BPNT2: variants seen among roughly 807,000 people sequenced by gnomAD.
BPNT2 encodes the protein 3'(2'), 5'-bisphosphate nucleotidase 2.
In BPNT2, 11 loss-of-function variants were observed where a neutral mutation model predicts 29.3. The observed-to-expected ratio is 0.38, with a 90% confidence interval of 0.24 to 0.62. The LOEUF (loss-of-function observed/expected upper bound fraction) is 0.62, where lower values mean the gene tolerates loss of function less well. Ranked by LOEUF, BPNT2 falls within the 20% of genes least tolerant of loss-of-function variation. BPNT2 has a pLI of 0.62. For synonymous variants in BPNT2, 195 were observed against 187.7 expected, an observed-to-expected ratio of 1.04 and a Z score of -0.32; for missense variants, 459 against 473.4, an observed-to-expected ratio of 0.97 and a Z score of 0.28.
chr8:56,965,476 G>T (rs917082597), intron 4 of BPNT2, among the ~76,000 whole-genome samples: 1 of 152,140 alleles, frequency 6.6e-6, no homozygotes, highest in Non-Finnish European at 1.5e-5. Flanking sequence ...ACTCATAACA[G>T]GAGTTGACAA....
rs537853348 is a variant in BPNT2, at chr8:56,993,731, T to G, written c.-146A>C. 2.7e-4 allele frequency: 265 copies of G among 970,844 alleles called. No homozygotes were observed. Among genetic ancestry groups the G allele is most frequent in the Middle Eastern group, 2.1e-3 (4 of 1,944 alleles). The allele number at this position is 970,844 out of a possible 1,614,324, so 60.1% of individuals were successfully genotyped here. ...CCCCGGCCCCGGTGCGCCCCATCAC[T>G]CCCTCCCAGGAAAGGCCGAGTTGCG... On this transcript the variant is annotated 5_prime_UTR_variant, in exon 1 of 5. Transcript: ENST00000262644.
At chr8:56,968,260 C>T (rs951907924) in intron 3 of BPNT2, among the ~76,000 whole-genome samples, 22 of 151,688 alleles carry the variant, frequency 1.5e-4, no homozygotes, top group African/African-American at 5.3e-4. Flanking sequence ...TCACTGCAGG[C>T]TTAGCACTAA....
chr8:56,978,326 A>G (rs1163415699), intron 2 of BPNT2, among the ~76,000 whole-genome samples, 181 bp from the exon 3 acceptor site: 1 of 152,190 alleles, frequency 6.6e-6, no homozygotes, highest in Non-Finnish European at 1.5e-5. Context: ...AGTGGCTAAC[A>G]GTTCTGGTTC....
At chr8:56,974,080 T>A (rs1294373695) in intron 3 of BPNT2, among the ~76,000 whole-genome samples, 5 of 152,174 alleles carry the variant, frequency 3.3e-5, no homozygotes, top group Admixed American at 1.3e-4. Flanking sequence ...TCTTATTCAA[T>A]CATATATTTG....
chr8:56,975,473 T>TA (rs566900584), intron 3 of BPNT2, among the ~76,000 whole-genome samples: 1 of 152,086 alleles, frequency 6.6e-6, no homozygotes, highest in East Asian at 1.9e-4. Flanking sequence ...TTTTTTTAAT[T>TA]AAAAAAAGTC....
chr8:56,985,068 A>G (rs1284027978), intron 1 of BPNT2, among the ~76,000 whole-genome samples: 3 of 151,770 alleles, frequency 2.0e-5, no homozygotes, highest in African/African-American at 7.3e-5. Context: ...CCTGACTACC[A>G]TTGATAAAGA....
At position 56,973,475 on chromosome 8, in the gene BPNT2, C is replaced by T. The variant is rs148072911; in HGVS notation, c.646+4575G>A. Among the ~76,000 whole-genome samples, 6 of 152,288 alleles carry T rather than the reference C, an allele frequency of 3.9e-5. No homozygotes were observed. The East Asian group carries it at 1.2e-3, about 29-fold the overall frequency. Reference sequence around the variant, plus strand: ...TCAAGCCCAAAATAATAAGTTCCTGCTGGAAAAAACTGTCCAGATGTTGTG... The same window carrying T: ...TCAAGCCCAAAATAATAAGTTCCTGTTGGAAAAAACTGTCCAGATGTTGTG... On this transcript the variant is annotated intron_variant, in intron 3 of 4. Transcript: ENST00000262644.
intron 3 of BPNT2, among the ~76,000 whole-genome samples, chr8:56,971,791 C>CCCCA: frequency 6.8e-6 from 1 of 146,954 alleles, no homozygotes; most frequent in East Asian, 2.0e-4. Flanking sequence ...CACCCCCCCC[C>CCCCA]CCACAATGCT....
At chr8:56,980,284 C>A (rs1563409570) in intron 1 of BPNT2, 87 bp from the exon 2 acceptor site, 3 of 1,029,946 alleles carry the variant, frequency 2.9e-6, no homozygotes, top group Non-Finnish European at 3.0e-6. Flanking sequence ...ACAACAATCA[C>A]CCAAATTATA....
intron 1 of BPNT2, among the ~76,000 whole-genome samples, chr8:56,980,460 T>C (rs1413740482): frequency 6.6e-6 from 1 of 151,700 alleles, no homozygotes; most frequent in African/African-American, 2.4e-5. Flanking sequence ...TATAGAGAAA[T>C]ATAGAGAAAC....
chr8:56,978,194 C>A (rs761211170), intron 2 of BPNT2, 49 bp from the exon 3 acceptor site: 1 of 1,151,246 alleles, frequency 8.7e-7, no homozygotes, highest in African/African-American at 1.5e-5. Context: ...AAGTAATGTG[C>A]ATAAATTCAA....
At chr8:56,977,386 A>G (rs151183376) in intron 3 of BPNT2, among the ~76,000 whole-genome samples, 29 of 152,076 alleles carry the variant, frequency 1.9e-4, no homozygotes, top group African/African-American at 6.5e-4. Flanking sequence ...CATCACTCCA[A>G]TCTCTGCCTC....
At chr8:56,990,172 G>A (rs1806395537) in intron 1 of BPNT2, among the ~76,000 whole-genome samples, 1 of 152,204 alleles carries the variant, frequency 6.6e-6, no homozygotes, top group South Asian at 2.1e-4. Context: ...GACCCAAGTG[G>A]CTGCTACCAG....
rs1805815495 is a variant in BPNT2 at position 56,960,555 on chromosome 8, A to T, written c.*3238T>A. The T allele has an allele frequency of 6.6e-6, 1 of 152,236 alleles. No homozygotes were observed. Among genetic ancestry groups the T allele is most frequent in the African/African-American group, 2.4e-5 (1 of 41,460 alleles). 9.4% of individuals were successfully genotyped at this position (152,236 alleles called of 1,614,324 possible). On this transcript the variant is annotated 3_prime_UTR_variant, in exon 5 of 5. Coordinates refer to ENST00000262644, the MANE Select transcript of BPNT2 (RefSeq NM_017813.5). ...TAAACAATCAACTGAATAATTACTG[A>T]TTTAAAATAAAGAAAGAAACACTAA...
chr8:56,978,650 A>G (rs1378232970), intron 2 of BPNT2, among the ~76,000 whole-genome samples: 1 of 151,178 alleles, frequency 6.6e-6, no homozygotes, highest in East Asian at 1.9e-4. Context: ...AATGCCCATC[A>G]ATGATAGACC....
intron 1 of BPNT2, among the ~76,000 whole-genome samples, chr8:56,981,487 C>T (rs1159298383): frequency 6.6e-6 from 1 of 152,100 alleles, no homozygotes; most frequent in East Asian, 1.9e-4. Flanking sequence ...ATCACTTGAA[C>T]CCTGGAGGTG....
At position 56,966,221 on chromosome 8, in the gene BPNT2, G is replaced by T; in HGVS notation, c.778C>A (p.Gln260Lys). 1.2e-6 allele frequency: 2 copies of T among 1,614,152 alleles called. No homozygotes were observed. The highest frequency in any genetic ancestry group is 2.2e-5 in the South Asian group (2 of 91,090). Residue 260 changes from glutamine (Q) to lysine (K), a missense_variant, in exon 4 of 5, where the codon CAG (glutamine) becomes AAG (lysine). By Grantham distance (53) the Gln-to-Lys change is moderately conservative. Coordinates refer to ENST00000262644, the MANE Select transcript of BPNT2 (RefSeq NM_017813.5). ...CCACCAGCTGGGATAATTGTAGTCT[G>T]GTTTCCAAAAGTCTGAAGAGCGACC... ...KQVALQTFGN[Q>K]TTIIPAGGAG...
rs918457821 is a variant in BPNT2, at chr8:56,993,102, A to G, written c.387+97T>C. ...CTGCGTCTCAATTTCCACATCTACA[A>G]AATGGAACCAGAAGCTCCACATCCC... On this transcript the variant is annotated intron_variant, in intron 1 of 4. Coordinates refer to ENST00000262644, the MANE Select transcript of BPNT2 (RefSeq NM_017813.5). 5.9e-6 allele frequency: 9 copies of G among 1,529,248 alleles called. No homozygotes were observed. In the East Asian group the frequency reaches 7.4e-5, roughly 13 times the overall value. The allele number at this position is 1,529,248 out of a possible 1,614,324, so 94.7% of individuals were successfully genotyped here.
rs994277199 is a variant in BPNT2, at chr8:56,962,120, T to G, written c.*1673A>C. The G allele has an allele frequency of 1.3e-5, 2 of 152,176 alleles. No homozygotes were observed. The highest frequency in any genetic ancestry group is 4.8e-5 in the African/African-American group (2 of 41,440). The allele number at this position is 152,176 out of a possible 1,614,324, so 9.4% of individuals were successfully genotyped here. On this transcript the variant is annotated 3_prime_UTR_variant, in exon 5 of 5. Transcript: ENST00000262644. ...AAAATTTTCAAGTCCTATTTAAATATCAAGTGTTCCACCTACCAAAACTTT... is the reference window on the plus strand; with the variant it reads ...AAAATTTTCAAGTCCTATTTAAATAGCAAGTGTTCCACCTACCAAAACTTT...
Sources: allele counts gnomAD v4.1 joint callset (sites outside exome capture counted in the v4.1 genomes callset), GRCh38; gene constraint gnomAD v4.1.1; transcripts MANE v1.5; gene names NCBI Gene and HGNC (gene_info 2026-07-23, HGNC 2026-07-21).